The following SPAG16 variants were observed in gnomAD, a reference collection of about 807,000 sequenced individuals.
The protein encoded by SPAG16 is sperm associated antigen 16.
SPAG16 carries 86 observed loss-of-function variants against 80.4 expected under a neutral mutation model. The observed-to-expected ratio is 1.07, with a 90% CI of 0.90 to 1.28. The LOEUF (loss-of-function observed/expected upper bound fraction) is 1.28. Ranked by LOEUF, SPAG16 falls within the 50% of genes most tolerant of loss-of-function variation. The pLI is 0.00. For synonymous variants in SPAG16, 294 were observed against 265.9 expected (o/e 1.11, Z -1.03); for missense variants, 870 against 765.3 (o/e 1.14, Z -1.61).
chr2:213,502,465 AAT>A (rs1160871666), intron 10 of SPAG16, among the ~76,000 whole-genome samples: 1 of 152,120 alleles, frequency 6.6e-6, no homozygotes, highest in African/African-American at 2.4e-5. Context: ...TATAAATAAA[AAT>A]ATTTTATTTT....
Position 213,930,161 on chromosome 2 carries a change from A to T in SPAG16, c.1400+16A>T. The T allele has an allele frequency of 6.2e-7, 1 of 1,605,372 alleles. No individual in the cohort carries two copies. ...ATGTTAATAGGTAAGAAGTACTTTAAACATTACTAATCCTCTGTGCTGATA... is the reference window on the plus strand; with the variant it reads ...ATGTTAATAGGTAAGAAGTACTTTATACATTACTAATCCTCTGTGCTGATA... On this transcript the variant is annotated intron_variant, in intron 12 of 15. Transcript: ENST00000331683.
At chr2:214,376,382 A>T (rs992218142) in intron 15 of SPAG16, among the ~76,000 whole-genome samples, 2 of 152,166 alleles carry the variant, frequency 1.3e-5, no homozygotes, top group African/African-American at 4.8e-5. Context: ...TTATGAAGTA[A>T]GTTAACTTTT....
At chr2:213,565,456 T>C (rs1247338725) in intron 10 of SPAG16, among the ~76,000 whole-genome samples, 1 of 152,256 alleles carries the variant, frequency 6.6e-6, no homozygotes. Context: ...TCATTTGTTA[T>C]AAAGCATGCG....
intron 10 of SPAG16, among the ~76,000 whole-genome samples, chr2:213,698,581 G>T (rs529564184): frequency 4.3e-4 from 65 of 152,130 alleles, no homozygotes; most frequent in Middle Eastern, 3.4e-3. Flanking sequence ...TTGTTAACAG[G>T]GCTCTACTTT....
chr2:213,551,345 C>T (rs1423069656), intron 10 of SPAG16, among the ~76,000 whole-genome samples: 1 of 152,162 alleles, frequency 6.6e-6, no homozygotes, highest in Admixed American at 6.6e-5. Context: ...GGGGGCATTT[C>T]CCAAGAAAAG....
At chr2:213,852,887 T>C (rs1488742874) in intron 10 of SPAG16, among the ~76,000 whole-genome samples, 2 of 152,186 alleles carry the variant, frequency 1.3e-5, no homozygotes, top group Non-Finnish European at 2.9e-5. Context: ...AAAAATTCCA[T>C]GTGAAAGTAC....
At chr2:213,425,081 T>C (rs899750018) in intron 9 of SPAG16, among the ~76,000 whole-genome samples, 4 of 152,002 alleles carry the variant, frequency 2.6e-5, no homozygotes, top group Non-Finnish European at 5.9e-5. Flanking sequence ...CCCAGCACTT[T>C]AGGAGGCTGA....
intron 13 of SPAG16, among the ~76,000 whole-genome samples, chr2:214,100,684 C>T (rs1367212220): frequency 6.6e-6 from 1 of 152,058 alleles, no homozygotes; most frequent in African/African-American, 2.4e-5. Flanking sequence ...AGATAATGAC[C>T]TCCAGCTCTA....
At chr2:213,700,454 G>T (rs2065356965) in intron 10 of SPAG16, among the ~76,000 whole-genome samples, 1 of 152,052 alleles carries the variant, frequency 6.6e-6, no homozygotes, top group African/African-American at 2.4e-5. Context: ...CTGTAATGAT[G>T]AATATTACAA....
At chr2:214,233,992 G>T (rs1576558200) in intron 15 of SPAG16, among the ~76,000 whole-genome samples, 1 of 151,834 alleles carries the variant, frequency 6.6e-6, no homozygotes, top group East Asian at 1.9e-4. Context: ...TAGATATTAA[G>T]CCCAGCATCC....
intron 14 of SPAG16, among the ~76,000 whole-genome samples, chr2:214,143,548 G>C (rs867851308): frequency 6.6e-6 from 1 of 151,882 alleles, no homozygotes; most frequent in East Asian, 1.9e-4. Context: ...GCAAATGTAC[G>C]ATTTTGTGTC....
intron 11 of SPAG16, among the ~76,000 whole-genome samples, chr2:213,928,088 C>G (rs1490619764): frequency 6.6e-6 from 1 of 151,992 alleles, no homozygotes; most frequent in Non-Finnish European, 1.5e-5. Flanking sequence ...ATCTTCTCTT[C>G]TCTTCTCTTT....
chr2:213,916,791 A>G (rs2077992447), intron 11 of SPAG16, among the ~76,000 whole-genome samples: 1 of 152,138 alleles, frequency 6.6e-6, no homozygotes, highest in Admixed American at 6.5e-5. Context: ...GAAGCTCTTA[A>G]GTTTAATTAG....
At chr2:214,189,352 G>A (rs897141837) in intron 15 of SPAG16, among the ~76,000 whole-genome samples, 19 of 151,892 alleles carry the variant, frequency 1.3e-4, no homozygotes, top group Non-Finnish European at 2.9e-5. Context: ...AATCACCAAA[G>A]CTATTAAACA....
At chr2:213,322,811 A>G (rs2063680241) in intron 5 of SPAG16, among the ~76,000 whole-genome samples, 1 of 152,160 alleles carries the variant, frequency 6.6e-6, no homozygotes, top group African/African-American at 2.4e-5. Flanking sequence ...AGAAACCTGA[A>G]GAGACTGAGG....
At chr2:213,875,292 G>GA (rs1386147777) in intron 11 of SPAG16, among the ~76,000 whole-genome samples, 1 of 151,966 alleles carries the variant, frequency 6.6e-6, no homozygotes, top group African/African-American at 2.4e-5. Flanking sequence ...TGCACTCATT[G>GA]AAAAAATCTG....
intron 10 of SPAG16, among the ~76,000 whole-genome samples, chr2:213,523,389 A>G (rs189179972): frequency 1.3e-5 from 2 of 152,320 alleles, no homozygotes; most frequent in South Asian, 2.1e-4. Flanking sequence ...GGACTCAGGT[A>G]TGTCTTCATT....
intron 9 of SPAG16, among the ~76,000 whole-genome samples, chr2:213,463,246 A>G (rs2072481935): frequency 6.6e-6 from 1 of 152,218 alleles, no homozygotes; most frequent in Non-Finnish European, 1.5e-5. Flanking sequence ...GTAGAACACA[A>G]AAGTTTGGAA....
intron 15 of SPAG16, among the ~76,000 whole-genome samples, chr2:214,340,516 T>G (rs1047884857): frequency 6.6e-6 from 1 of 152,198 alleles, no homozygotes; most frequent in Non-Finnish European, 1.5e-5. Flanking sequence ...TGTGAGTATT[T>G]GAGTTGTTTC....
Sources: gnomAD v4.1 joint callset for allele counts (sites outside exome capture counted in the v4.1 genomes callset) on GRCh38, gnomAD v4.1.1 for gene constraint, MANE v1.5 for transcripts, NCBI Gene and HGNC (gene_info 2026-07-23, HGNC 2026-07-21) for gene names.